Variants in CTNNA3 observed in about 807,000 individuals in gnomAD.
CTNNA3 encodes the protein catenin alpha 3.
CTNNA3 carries 76 observed loss-of-function variants against 95.7 expected under a neutral mutation model. That is an observed-to-expected ratio of 0.79 (90% confidence interval 0.66 to 0.96). The LOEUF (loss-of-function observed/expected upper bound fraction) is 0.96. Ranked by LOEUF, CTNNA3 falls within the 40% of genes least tolerant of loss-of-function variation. The pLI, the probability that CTNNA3 is intolerant of heterozygous loss-of-function variation, is 0.00. For synonymous variants in CTNNA3, 431 were observed against 374.4 expected, an observed-to-expected ratio of 1.15 and a Z score of -1.74; for missense variants, 1,191 against 1,089.8, an observed-to-expected ratio of 1.09 and a Z score of -1.31.
intron 2 of CTNNA3, among the ~76,000 whole-genome samples, chr10:67,620,521 T>C (rs1052724563): frequency 2.0e-5 from 3 of 152,150 alleles, no homozygotes; most frequent in Admixed American, 6.5e-5. Flanking sequence ...TACCATCTTA[T>C]TGGCTTAAAC....
intron 9 of CTNNA3, among the ~76,000 whole-genome samples, chr10:66,762,681 C>T (rs925208343): frequency 2.6e-5 from 4 of 151,670 alleles, no homozygotes; most frequent in Non-Finnish European, 4.4e-5. Context: ...TTTTGAATTC[C>T]CCAGAACTTC....
At chr10:67,630,046 G>A (rs1234238137) in intron 2 of CTNNA3, among the ~76,000 whole-genome samples, 2 of 152,128 alleles carry the variant, frequency 1.3e-5, no homozygotes, top group South Asian at 2.1e-4. Flanking sequence ...GGCAGAGCAC[G>A]TCACAGGGTT....
intron 12 of CTNNA3, among the ~76,000 whole-genome samples, chr10:66,293,955 G>C (rs759608820): frequency 6.6e-6 from 1 of 151,870 alleles, no homozygotes; most frequent in African/African-American, 2.4e-5. Flanking sequence ...GTTAGCCACC[G>C]TGCCCGGTCA....
At chr10:66,852,808 T>C (rs1843543399) in intron 7 of CTNNA3, among the ~76,000 whole-genome samples, 2 of 152,144 alleles carry the variant, frequency 1.3e-5, no homozygotes, top group Non-Finnish European at 2.9e-5. Flanking sequence ...TTTGTTTTTA[T>C]GAATTAAAAA....
chr10:67,667,901 T>A (rs1218135894), intron 1 of CTNNA3, among the ~76,000 whole-genome samples: 1 of 152,212 alleles, frequency 6.6e-6, no homozygotes, highest in Non-Finnish European at 1.5e-5. Flanking sequence ...AATTAACTTA[T>A]AGGATAACCC....
At chr10:67,162,145 T>A (rs889077527) in intron 7 of CTNNA3, among the ~76,000 whole-genome samples, 1 of 151,988 alleles carries the variant, frequency 6.6e-6, no homozygotes, top group Non-Finnish European at 1.5e-5. Flanking sequence ...AGCTAGGATA[T>A]AGAAAAATTC....
intron 1 of CTNNA3, among the ~76,000 whole-genome samples, chr10:67,711,322 AG>A (rs1432493775): frequency 6.6e-6 from 1 of 152,238 alleles, no homozygotes. Context: ...AGGGCTCAGA[AG>A]AAGAAAGAAA....
chr10:66,961,943 A>C (rs1175027625), intron 7 of CTNNA3, among the ~76,000 whole-genome samples: 2 of 152,016 alleles, frequency 1.3e-5, no homozygotes, highest in East Asian at 3.9e-4. Flanking sequence ...GCCACTTCCA[A>C]CTCATCACTA....
intron 11 of CTNNA3, among the ~76,000 whole-genome samples, chr10:66,432,802 C>T (rs910279184): frequency 1.3e-5 from 2 of 152,114 alleles, no homozygotes; most frequent in Non-Finnish European, 2.9e-5. Context: ...TATCCCTACC[C>T]TTGCCCCCAA....
At chr10:67,412,300 T>G (rs1234981385) in intron 5 of CTNNA3, among the ~76,000 whole-genome samples, 1 of 152,134 alleles carries the variant, frequency 6.6e-6, no homozygotes. Flanking sequence ...GCAATTTGAA[T>G]AGAATTTTAA....
intron 13 of CTNNA3, among the ~76,000 whole-genome samples, chr10:66,122,931 A>G (rs1352149345): frequency 6.6e-6 from 1 of 152,182 alleles, no homozygotes; most frequent in Non-Finnish European, 1.5e-5. Context: ...CTCCCATGAC[A>G]TGTGGGAATT....
rs1279334034 is a variant in CTNNA3, at chr10:66,868,070, T to C, written c.1048-92546A>G. ...TAATAATGATTGCTATATAAAACTA[T>C]AATTAGCCAGGCATGGTGGCTCATG... On this transcript the variant is annotated intron_variant, in intron 7 of 17. Coordinates refer to ENST00000433211, the MANE Select transcript of CTNNA3 (RefSeq NM_013266.4). Among the ~76,000 whole-genome samples the C allele has an allele frequency of 1.7e-4, 25 of 149,700 alleles. No individual in the cohort carries two copies. The Admixed American group carries it at 1.7e-3, about 10-fold the overall frequency.
intron 7 of CTNNA3, among the ~76,000 whole-genome samples, chr10:66,913,363 T>C (rs748704953): frequency 8.7e-5 from 13 of 150,138 alleles, no homozygotes; most frequent in Non-Finnish European, 1.8e-4. Flanking sequence ...GGACAGCATC[T>C]CACTTTTACA....
At chr10:67,060,262 G>A (rs1005407318) in intron 7 of CTNNA3, among the ~76,000 whole-genome samples, 7 of 152,114 alleles carry the variant, frequency 4.6e-5, no homozygotes, top group South Asian at 4.1e-4. Context: ...AGGCTGCAGT[G>A]AGCCGAGATT....
intron 5 of CTNNA3, among the ~76,000 whole-genome samples, chr10:67,390,720 C>A (rs1844434081): frequency 2.0e-5 from 3 of 149,610 alleles, no homozygotes; most frequent in African/African-American, 7.5e-5. Context: ...ATCAAGTGGG[C>A]TTCATCCCTG....
At chr10:66,151,777 A>G (rs2084213186) in intron 13 of CTNNA3, among the ~76,000 whole-genome samples, 1 of 151,990 alleles carries the variant, frequency 6.6e-6, no homozygotes. Flanking sequence ...AAGCTACACC[A>G]GAGTTAAAAG....
At chr10:66,682,827 T>G (rs12267506) in intron 9 of CTNNA3, among the ~76,000 whole-genome samples, 21,431 of 151,980 alleles carry the variant, frequency 0.14, 1,957 homozygotes, top group African/African-American at 0.25. Context: ...CATTTAAATG[T>G]GAGTCAAAAG....
At chr10:66,183,522 C>G (rs1224346121) in intron 13 of CTNNA3, among the ~76,000 whole-genome samples, 1 of 152,176 alleles carries the variant, frequency 6.6e-6, no homozygotes, top group Non-Finnish European at 1.5e-5. Context: ...TTTTTAAGTG[C>G]TATGGACTAT....
At chr10:67,055,163 C>T (rs1319223872) in intron 7 of CTNNA3, 4 of 152,158 alleles carry the variant, frequency 2.6e-5, no homozygotes, top group Admixed American at 6.5e-5. Flanking sequence ...ATCTTTGAGA[C>T]AGCTGCATAG....
Sources: gnomAD v4.1 joint callset for allele counts (sites outside exome capture counted in the v4.1 genomes callset) on GRCh38, gnomAD v4.1.1 for gene constraint, MANE v1.5 for transcripts, NCBI Gene and HGNC (gene_info 2026-07-23, HGNC 2026-07-21) for gene names.